The following GRM8 variants were observed in gnomAD, a reference collection of about 807,000 sequenced individuals.
The protein encoded by GRM8 is metabotropic glutamate receptor 8.
GRM8 carries 47 observed loss-of-function variants against 87.2 expected under a neutral mutation model. That is an observed-to-expected ratio of 0.54 (90% CI 0.43 to 0.69). GRM8 has a LOEUF of 0.69. Among genes scored for constraint, GRM8 ranks in the 30% least tolerant of loss-of-function variants. The probability of loss-of-function intolerance (pLI) is 0.00; values close to 1 mark genes in which losing one functional copy is unlikely to be tolerated. For missense variants in GRM8, 1,019 were observed against 1,139.2 expected (o/e 0.89, Z 1.52); for synonymous variants, 396 against 404.5 (o/e 0.98, Z 0.25).
intron 3 of GRM8, among the ~76,000 whole-genome samples, chr7:126,993,306 A>G (rs1185128009): frequency 6.6e-6 from 1 of 152,212 alleles, no homozygotes; most frequent in East Asian, 1.9e-4. Flanking sequence ...GTAAATGGAT[A>G]AACAAAATGT....
intron 3 of GRM8, among the ~76,000 whole-genome samples, chr7:127,080,522 T>C (rs1421318622): frequency 6.6e-6 from 1 of 152,178 alleles, no homozygotes; most frequent in Non-Finnish European, 1.5e-5. Context: ...TGAGAATGTA[T>C]AGTCTAACTC....
At position 127,090,911 on chromosome 7, in the gene GRM8, GC is replaced by G. The variant is rs545379898; in HGVS notation, c.727+15584del. 5.9e-5 allele frequency: 9 copies of G among 152,386 alleles called. No individual in the cohort carries two copies. The East Asian group carries it at 1.7e-3, about 29-fold the overall frequency. The allele number at this position is 152,386 out of a possible 1,614,324, so 9.4% of individuals were successfully genotyped here. ...TCCTGTCTCCAGCATGCACTCACCT[GC>G]CATGTCCATCTATTCCTTCATTCAA... On this transcript the variant is annotated intron_variant, in intron 3 of 10. Coordinates refer to ENST00000339582, the MANE Select transcript of GRM8 (RefSeq NM_000845.3).
At chr7:126,518,813 G>A (rs896700399) in intron 9 of GRM8, among the ~76,000 whole-genome samples, 1 of 151,720 alleles carries the variant, frequency 6.6e-6, no homozygotes, top group South Asian at 2.1e-4. Context: ...TCTAAAATAA[G>A]AGCATCTTAG....
chr7:126,903,054 C>G (rs1802258321), intron 5 of GRM8, among the ~76,000 whole-genome samples: 1 of 152,198 alleles, frequency 6.6e-6, no homozygotes, highest in African/African-American at 2.4e-5. Flanking sequence ...ATTCTTTTCT[C>G]TTTCCTAGCA....
At chr7:126,905,559 C>T (rs1415940314) in intron 3 of GRM8, among the ~76,000 whole-genome samples, 1 of 152,000 alleles carries the variant, frequency 6.6e-6, no homozygotes, top group South Asian at 2.1e-4. Flanking sequence ...ATTAAATCAC[C>T]ATTTATAGCA....
intron 7 of GRM8, among the ~76,000 whole-genome samples, chr7:126,647,704 A>T (rs1266892552): frequency 6.6e-6 from 1 of 152,140 alleles, no homozygotes; most frequent in East Asian, 1.9e-4. Flanking sequence ...ACATTTTCCA[A>T]GTGGTCAGTT....
In GRM8 at chr7:126,928,349, A is replaced by T. The variant is rs1430106751; in HGVS notation, c.728-23666T>A. ...TGTAACAAACCTGCACATCCTGCACATGTGCCTGAACTTAAAGTATAAACT... is the reference window on the plus strand; with the variant it reads ...TGTAACAAACCTGCACATCCTGCACTTGTGCCTGAACTTAAAGTATAAACT... On this transcript the variant is annotated intron_variant, in intron 3 of 10. Transcript: ENST00000339582. Among the ~76,000 whole-genome samples, 3 of 152,174 alleles carry T rather than the reference A, an allele frequency of 2.0e-5. No individual in the cohort carries two copies. The East Asian group carries it at 5.8e-4, about 29-fold the overall frequency.
intron 3 of GRM8, among the ~76,000 whole-genome samples, chr7:127,003,392 AG>A (rs1264597530): frequency 6.6e-6 from 1 of 151,768 alleles, no homozygotes; most frequent in African/African-American, 2.4e-5. Flanking sequence ...TTGGTGCTAT[AG>A]ATTAAATTTC....
chr7:126,495,654 T>C (rs1304514509), intron 9 of GRM8, among the ~76,000 whole-genome samples: 2 of 151,904 alleles, frequency 1.3e-5, no homozygotes, highest in African/African-American at 4.8e-5. Context: ...GTCCTCATCA[T>C]TAGGGGTATC....
chr7:126,558,986 C>T lies in GRM8; in HGVS notation c.1495-25099G>A, dbSNP rs535263086. Among the ~76,000 whole-genome samples the T allele has an allele frequency of 5.9e-5, 9 of 152,124 alleles. No individual in the cohort carries two copies. In the South Asian group the frequency reaches 1.5e-3, roughly 25 times the overall value. On this transcript the variant is annotated intron_variant, in intron 8 of 10. Transcript: ENST00000339582. The stretch of plus-strand genomic sequence containing the variant: ...CAGCTACAATTAGTGAAGAGAGAGA[C>T]GGGTACTGATGCAAAGCACCCTCAC...
chr7:126,741,540 T>G (rs925476523), intron 7 of GRM8, among the ~76,000 whole-genome samples: 3 of 152,030 alleles, frequency 2.0e-5, no homozygotes, highest in African/African-American at 7.2e-5. Context: ...TCCTTGTAAC[T>G]CTGGTCCTGA....
chr7:126,722,908 ATATATATAATATGT>A (rs1396038583), intron 7 of GRM8, among the ~76,000 whole-genome samples: 50 of 144,984 alleles, frequency 3.4e-4, no homozygotes, highest in African/African-American at 1.1e-3. Flanking sequence ...ATATATAATT[ATATATATAATATGT>A]TATATATAAT....
intron 7 of GRM8, among the ~76,000 whole-genome samples, chr7:126,726,431 T>C (rs1412940043): frequency 1.3e-5 from 2 of 152,182 alleles, no homozygotes; most frequent in Non-Finnish European, 2.9e-5. Context: ...GATACACCTC[T>C]GTGCCTGTGC....
chr7:126,651,479 G>A lies in GRM8; in HGVS notation c.1358-41981C>T, dbSNP rs796484630. ...CAAGATTCACTGGTCCAGGAATCAA[G>A]GGGTGGAAGTCGAAGTGGCAGCACT... On this transcript the variant is annotated intron_variant, in intron 7 of 10. Transcript: ENST00000339582. 1.1e-4 allele frequency among the ~76,000 whole-genome samples: 16 copies of A among 152,262 alleles called. 1 individual carries two copies. Among genetic ancestry groups the A allele is most frequent in the African/African-American group, 3.9e-4 (16 of 41,550 alleles).
At chr7:126,833,845 C>G (rs1024652328) in intron 6 of GRM8, among the ~76,000 whole-genome samples, 1 of 152,144 alleles carries the variant, frequency 6.6e-6, no homozygotes, top group African/African-American at 2.4e-5. Context: ...AGTAAAAATG[C>G]AGATTACTAA....
chr7:126,784,480 T>A (rs1450103330), intron 6 of GRM8, among the ~76,000 whole-genome samples: 1 of 152,204 alleles, frequency 6.6e-6, no homozygotes. Flanking sequence ...AATCTGCTTT[T>A]CTCAGTGATT....
intron 6 of GRM8, among the ~76,000 whole-genome samples, chr7:126,830,469 A>G (rs945534160): frequency 4.6e-5 from 7 of 151,998 alleles, no homozygotes; most frequent in African/African-American, 7.3e-5. Flanking sequence ...TCCATCACTA[A>G]TACCCTGTCT....
chr7:126,647,338 G>GAT (rs66601725), intron 7 of GRM8, among the ~76,000 whole-genome samples: 41 of 53,406 alleles, frequency 7.7e-4, no homozygotes, highest in Admixed American at 3.1e-3. Flanking sequence ...TAGATAGATA[G>GAT]ATAGATATAG....
At chr7:127,144,131 G>T (rs1234776187) in intron 2 of GRM8, among the ~76,000 whole-genome samples, 3 of 152,016 alleles carry the variant, frequency 2.0e-5, no homozygotes, top group Admixed American at 1.3e-4. Context: ...GGATTAAAAG[G>T]CATATACTTG....
Sources: allele counts gnomAD v4.1 joint callset (sites outside exome capture counted in the v4.1 genomes callset), GRCh38; gene constraint gnomAD v4.1.1; transcripts MANE v1.5; gene names NCBI Gene and HGNC (gene_info 2026-07-23, HGNC 2026-07-21).